The following VWC2L variants were observed in gnomAD, a reference collection of about 807,000 sequenced individuals.
The protein encoded by VWC2L is von Willebrand factor C domain containing 2 like, also known as von Willebrand factor C domain-containing protein 2-like.
VWC2L carries 10 observed loss-of-function variants against 21.6 expected under a neutral mutation model. The ratio of observed to expected loss-of-function variants is 0.46; its 90% CI spans 0.29 to 0.78. The LOEUF (loss-of-function observed/expected upper bound fraction) is 0.78, where lower values mean the gene tolerates loss of function less well. Ranked by LOEUF, VWC2L falls within the 30% of genes least tolerant of loss-of-function variation. The pLI, the probability that VWC2L is intolerant of heterozygous loss-of-function variation, is 0.10. For synonymous variants in VWC2L, 96 were observed against 94.3 expected (o/e 1.02, Z -0.10); for missense variants, 209 against 277.1 (o/e 0.75, Z 1.74).
chr2:214,457,530 G>A (rs7588658), intron 3 of VWC2L, among the ~76,000 whole-genome samples: 34,306 of 151,886 alleles, frequency 0.23, 4,722 homozygotes, highest in African/African-American at 0.39. Flanking sequence ...ACTGCGTTGA[G>A]TAGGAGTGGT....
chr2:214,423,278 G>A (rs1702470610), intron 2 of VWC2L, among the ~76,000 whole-genome samples: 1 of 151,990 alleles, frequency 6.6e-6, no homozygotes, highest in Non-Finnish European at 1.5e-5. Flanking sequence ...GCTGACCATA[G>A]AATTTTAGAT....
chr2:214,550,168 G>C (rs1216656015), intron 3 of VWC2L, among the ~76,000 whole-genome samples: 2 of 152,150 alleles, frequency 1.3e-5, no homozygotes, highest in Non-Finnish European at 2.9e-5. Context: ...ACAATCCCTA[G>C]GGCTGTGCTG....
chr2:214,517,675 T>A (rs1412327505), intron 3 of VWC2L, among the ~76,000 whole-genome samples: 1 of 152,022 alleles, frequency 6.6e-6, no homozygotes, highest in Admixed American at 6.6e-5. Context: ...CACAAAAGAC[T>A]GAAAATGTTT....
chr2:214,559,775 T>A (rs77707442), intron 3 of VWC2L, among the ~76,000 whole-genome samples: 6,752 of 152,214 alleles, frequency 0.044, 515 homozygotes, highest in African/African-American at 0.15. Context: ...CTAATTTTTT[T>A]AAAAATTGTA....
At chr2:214,513,547 T>C (rs1689091857) in intron 3 of VWC2L, among the ~76,000 whole-genome samples, 1 of 152,112 alleles carries the variant, frequency 6.6e-6, no homozygotes, top group Non-Finnish European at 1.5e-5. Flanking sequence ...CTATTGCTGT[T>C]CCTTAGAACT....
intron 3 of VWC2L, among the ~76,000 whole-genome samples, chr2:214,552,188 CT>C (rs1180900257): frequency 2.6e-5 from 4 of 152,202 alleles, no homozygotes; most frequent in African/African-American, 9.7e-5. Flanking sequence ...AACCTGCAAC[CT>C]TTCCTCACTA....
intron 3 of VWC2L, among the ~76,000 whole-genome samples, chr2:214,441,470 T>G (rs989648466): frequency 6.6e-6 from 1 of 152,152 alleles, no homozygotes; most frequent in Non-Finnish European, 1.5e-5. Context: ...GATGTCAATT[T>G]TTTATTGATG....
At chr2:214,461,408 C>T (rs1378881915) in intron 3 of VWC2L, among the ~76,000 whole-genome samples, 1 of 152,162 alleles carries the variant, frequency 6.6e-6, no homozygotes, top group Non-Finnish European at 1.5e-5. Flanking sequence ...CGGTGATGAG[C>T]TGGGTAGGCC....
At chr2:214,451,107 T>C (rs962166349) in intron 3 of VWC2L, among the ~76,000 whole-genome samples, 1 of 152,106 alleles carries the variant, frequency 6.6e-6, no homozygotes, top group African/African-American at 2.4e-5. Flanking sequence ...AGGTAGAAGC[T>C]AGTTAAAAAT....
chr2:214,440,261 T>C (rs1702745058), intron 3 of VWC2L, among the ~76,000 whole-genome samples: 1 of 152,024 alleles, frequency 6.6e-6, no homozygotes, highest in South Asian at 2.1e-4. Flanking sequence ...GAGTAATTTT[T>C]ATTTGGTGAG....
chr2:214,499,912 A>C (rs1356436556), intron 3 of VWC2L, among the ~76,000 whole-genome samples: 2 of 152,196 alleles, frequency 1.3e-5, no homozygotes, highest in Non-Finnish European at 2.9e-5. Context: ...AAAATGTCAA[A>C]AGTAGGGAGA....
intron 3 of VWC2L, among the ~76,000 whole-genome samples, chr2:214,518,598 T>A (rs1689181974): frequency 6.6e-6 from 1 of 152,178 alleles, no homozygotes; most frequent in Non-Finnish European, 1.5e-5. Context: ...CATATTTGTT[T>A]TATGGCACTT....
intron 3 of VWC2L, among the ~76,000 whole-genome samples, chr2:214,492,236 GAAGC>G (rs1264656627): frequency 6.6e-6 from 1 of 152,212 alleles, no homozygotes; most frequent in African/African-American, 2.4e-5. Flanking sequence ...AAGCCTCCCA[GAAGC>G]AAGAGGGCAT....
intron 3 of VWC2L, among the ~76,000 whole-genome samples, chr2:214,565,217 GA>G (rs944516447): frequency 1.1e-4 from 17 of 151,604 alleles, no homozygotes; most frequent in Admixed American, 9.9e-4. Flanking sequence ...TAAGCAATAA[GA>G]AAAAAAACTT....
chr2:214,448,960 G>A (rs1324715513), intron 3 of VWC2L, among the ~76,000 whole-genome samples: 2 of 152,084 alleles, frequency 1.3e-5, no homozygotes, highest in South Asian at 2.1e-4. Context: ...TATCCCAGAT[G>A]TCTTCTCCTC....
chr2:214,530,540 T>C (rs954198037), intron 3 of VWC2L, among the ~76,000 whole-genome samples: 1 of 152,134 alleles, frequency 6.6e-6, no homozygotes, highest in Non-Finnish European at 1.5e-5. Context: ...TAGGCAGACA[T>C]AGACCCCAAT....
chr2:214,456,182 T>C (rs1403001455), intron 3 of VWC2L, among the ~76,000 whole-genome samples: 1 of 150,668 alleles, frequency 6.6e-6, no homozygotes, highest in African/African-American at 2.4e-5. Flanking sequence ...CCTTTTTCTC[T>C]TCATCCTCAC....
intron 2 of VWC2L, among the ~76,000 whole-genome samples, chr2:214,425,144 T>C (rs1325308012): frequency 1.3e-5 from 2 of 152,226 alleles, no homozygotes; most frequent in Admixed American, 6.5e-5. Flanking sequence ...TATTTGGCTT[T>C]CTATAGAGAA....
intron 3 of VWC2L, among the ~76,000 whole-genome samples, chr2:214,461,806 G>A (rs1703146379): frequency 6.6e-6 from 1 of 152,178 alleles, no homozygotes; most frequent in African/African-American, 2.4e-5. Context: ...TGGCAGCAGT[G>A]GCGGTATGTG....
Sources: allele counts gnomAD v4.1 joint callset (sites outside exome capture counted in the v4.1 genomes callset), GRCh38; gene constraint gnomAD v4.1.1; transcripts MANE v1.5; gene names NCBI Gene and HGNC (gene_info 2026-07-23, HGNC 2026-07-21).